KHDRBS2: variants seen among roughly 807,000 people sequenced by gnomAD.
The protein encoded by KHDRBS2 is KH RNA binding domain containing, signal transduction associated 2, also known as KH domain-containing, RNA-binding, signal transduction-associated protein 2.
In KHDRBS2, 26 loss-of-function variants were observed where a neutral mutation model predicts 44.3. The observed-to-expected ratio is 0.59, with a 90% CI of 0.43 to 0.81. The LOEUF (loss-of-function observed/expected upper bound fraction) is 0.81. KHDRBS2 is among the 40% of genes least tolerant of loss of function. The pLI, the probability that KHDRBS2 is intolerant of heterozygous loss-of-function variation, is 0.00. For missense variants in KHDRBS2, 476 were observed against 433.1 expected, an observed-to-expected ratio of 1.10 and a Z score of -0.88; for synonymous variants, 194 against 151.1, an observed-to-expected ratio of 1.28 and a Z score of -2.08.
intron 3 of KHDRBS2, among the ~76,000 whole-genome samples, chr6:62,007,975 A>G (rs1381195342): frequency 6.6e-6 from 1 of 152,178 alleles, no homozygotes; most frequent in African/African-American, 2.4e-5. Context: ...AATATACAAG[A>G]TAAAGATAAA....
At chr6:61,706,346 T>C (rs1424325095) in intron 7 of KHDRBS2, among the ~76,000 whole-genome samples, 3 of 151,800 alleles carry the variant, frequency 2.0e-5, no homozygotes, top group Non-Finnish European at 2.9e-5. Flanking sequence ...TGACTATATT[T>C]AAGAAATGAG....
At chr6:62,281,621 A>T (rs1221178698) in intron 1 of KHDRBS2, among the ~76,000 whole-genome samples, 1 of 152,176 alleles carries the variant, frequency 6.6e-6, no homozygotes, top group Non-Finnish European at 1.5e-5. Context: ...CTCTGTCTCA[A>T]AAATAAAATA....
rs1261258823 is a variant in KHDRBS2, at chr6:62,158,361, T to A, written c.219+18824A>T. 3.3e-5 allele frequency among the ~76,000 whole-genome samples: 5 copies of A among 152,326 alleles called. No individual in the cohort carries two copies. The East Asian group carries it at 9.6e-4, about 29-fold the overall frequency. ...ATGTACATAAATGTTCATGTATTCC[T>A]GATGAAACCTCATGGTATGTCATTA... is the stretch of plus-strand genomic sequence containing the variant. On this transcript the variant is annotated intron_variant, in intron 2 of 8. Coordinates refer to ENST00000281156, the MANE Select transcript of KHDRBS2 (RefSeq NM_152688.4).
At chr6:62,259,761 T>C (rs1838025974) in intron 1 of KHDRBS2, among the ~76,000 whole-genome samples, 1 of 151,988 alleles carries the variant, frequency 6.6e-6, no homozygotes, top group Non-Finnish European at 1.5e-5. Flanking sequence ...AGGCAATTTT[T>C]TACCCACCAT....
intron 1 of KHDRBS2, among the ~76,000 whole-genome samples, chr6:62,262,444 T>A (rs1333628210): frequency 6.6e-6 from 1 of 151,766 alleles, no homozygotes; most frequent in Non-Finnish European, 1.5e-5. Flanking sequence ...CCATTTGAGG[T>A]TATATCACAG....
the KHDRBS2 span, among the ~76,000 whole-genome samples, chr6:61,546,363 G>C: frequency 6.6e-6 from 1 of 152,020 alleles, no homozygotes; most frequent in Non-Finnish European, 1.5e-5. Flanking sequence ...AGGCCAATTT[G>C]TGTTCATGCA....
At chr6:61,569,437 G>T in the KHDRBS2 span, among the ~76,000 whole-genome samples, 1 of 152,136 alleles carries the variant, frequency 6.6e-6, no homozygotes, top group Non-Finnish European at 1.5e-5. Flanking sequence ...GCTGCAGCTG[G>T]TGCTCTCTTT....
At chr6:61,645,136 TAA>T in the KHDRBS2 span, among the ~76,000 whole-genome samples, 7 of 152,008 alleles carry the variant, frequency 4.6e-5, no homozygotes, top group Non-Finnish European at 8.8e-5. Flanking sequence ...TATGCAGCCA[TAA>T]AAAATGAGAT....
the KHDRBS2 span, among the ~76,000 whole-genome samples, chr6:61,547,860 T>C: frequency 6.6e-6 from 1 of 152,158 alleles, no homozygotes; most frequent in Admixed American, 6.6e-5. Flanking sequence ...AATTTCTCTG[T>C]CAAGCTCTTG....
chr6:61,595,116 A>G, the KHDRBS2 span, among the ~76,000 whole-genome samples: 2 of 152,244 alleles, frequency 1.3e-5, no homozygotes, highest in East Asian at 1.9e-4. Context: ...TTTTAATACT[A>G]TATAAAATTC....
chr6:61,953,323 C>T (rs116709599), intron 4 of KHDRBS2, among the ~76,000 whole-genome samples: 365 of 152,052 alleles, frequency 2.4e-3, no homozygotes, highest in African/African-American at 8.6e-3. Context: ...TTTTCAAAAA[C>T]TTACAAGACT....
Position 62,047,926 on chromosome 6 carries a change from A to G in KHDRBS2, c.288T>C (p.Gly96=). Residue 96 remains glycine (G), a synonymous_variant, in exon 3 of 9, where the codon GGT becomes GGC. Coordinates refer to ENST00000281156, the MANE Select transcript of KHDRBS2 (RefSeq NM_152688.4). ...CTTTGCCCAGGATAGACATTTTAGC[A>G]CCTGTTTCTTCCTGTAGCCTCTTCA... ...NSLKRLQEET[G]AKMSILGKGS... The G allele has an allele frequency of 1.2e-6, 2 of 1,612,240 alleles. 1 individual carries two copies. Among genetic ancestry groups the G allele is most frequent in the South Asian group, 2.2e-5 (2 of 91,034 alleles).
chr6:61,723,338 A>T (rs755603211), intron 7 of KHDRBS2, among the ~76,000 whole-genome samples: 5 of 152,126 alleles, frequency 3.3e-5, no homozygotes, highest in Non-Finnish European at 7.4e-5. Flanking sequence ...TCTCCAAATG[A>T]CCACAACACC....
At chr6:62,138,140 A>C (rs932250281) in intron 2 of KHDRBS2, among the ~76,000 whole-genome samples, 1 of 152,276 alleles carries the variant, frequency 6.6e-6, no homozygotes, top group East Asian at 1.9e-4. Context: ...AGTTCAAGCA[A>C]TCATATGAAA....
At chr6:62,212,941 A>T (rs1393461058) in intron 1 of KHDRBS2, among the ~76,000 whole-genome samples, 1 of 152,150 alleles carries the variant, frequency 6.6e-6, no homozygotes, top group African/African-American at 2.4e-5. Context: ...CTAGAAAATC[A>T]CCTACTAGAA....
rs575503965 is a variant in KHDRBS2, at chr6:61,955,172, GTATA to G, written c.483+22890_483+22893del. On this transcript the variant is annotated intron_variant, in intron 4 of 8. Coordinates refer to ENST00000281156, the MANE Select transcript of KHDRBS2 (RefSeq NM_152688.4). ...CGTGTGTATGTATGTATACATATGT[GTATA>G]TACACATACGTTTGTATGTATACAT... Among the ~76,000 whole-genome samples the G allele has an allele frequency of 3.0e-5, 4 of 133,678 alleles. No individual in the cohort carries two copies. The South Asian group carries it at 7.2e-4, about 24-fold the overall frequency. 87.7% of individuals were successfully genotyped at this position (133,678 alleles called of 152,430 possible). A position where few individuals can be genotyped will look rare whatever the true frequency, so the allele number is the denominator to read the frequency against.
intron 3 of KHDRBS2, among the ~76,000 whole-genome samples, chr6:62,008,824 C>T (rs185585819): frequency 3.0e-4 from 46 of 152,290 alleles, no homozygotes; most frequent in African/African-American, 1.1e-3. Context: ...ACTTGCTCCT[C>T]CTTGCCTTCC....
chr6:61,608,332 ATGTGTGTG>A, the KHDRBS2 span, among the ~76,000 whole-genome samples: 14 of 150,774 alleles, frequency 9.3e-5, no homozygotes, highest in East Asian at 3.9e-4. Context: ...ATATATACAT[ATGTGTGTG>A]TGTGTGTGTG....
At chr6:62,203,751 T>A (rs1827450310) in intron 1 of KHDRBS2, among the ~76,000 whole-genome samples, 1 of 152,142 alleles carries the variant, frequency 6.6e-6, no homozygotes, top group South Asian at 2.1e-4. Flanking sequence ...GATTATTAAC[T>A]GAGAAACAGC....
Sources: allele counts gnomAD v4.1 joint callset (sites outside exome capture counted in the v4.1 genomes callset), GRCh38; gene constraint gnomAD v4.1.1; transcripts MANE v1.5; gene names NCBI Gene and HGNC (gene_info 2026-07-23, HGNC 2026-07-21).